Variants in HECTD4 observed in about 807,000 individuals in gnomAD.
The protein encoded by HECTD4 is probable E3 ubiquitin-protein ligase HECTD4.
In HECTD4, 114 loss-of-function variants were observed where a neutral mutation model predicts 471.5. That is an observed-to-expected ratio of 0.24 (90% confidence interval 0.21 to 0.28). The LOEUF is 0.28. Ranked by LOEUF, HECTD4 falls within the 10% of genes least tolerant of loss-of-function variation. The pLI, the probability that HECTD4 is intolerant of heterozygous loss-of-function variation, is 1.00. For synonymous variants in HECTD4, 2,012 were observed against 2,256.0 expected, an observed-to-expected ratio of 0.89 and a Z score of 3.07; for missense variants, 3,866 against 5,651.5, an observed-to-expected ratio of 0.68 and a Z score of 10.13.
At chr12:112,249,971 C>T in intron 25 of HECTD4, 173 bp downstream of exon 25, 1 of 610,532 alleles carries the variant, frequency 1.6e-6, no homozygotes, top group South Asian at 2.0e-5. Context: ...TTTGAGAGCC[C>T]CTAGTCTGGA....
In HECTD4 at chr12:112,161,644, AG is replaced by A. The variant is rs2136991569; in HGVS notation, c.*742del. ...CCCTGCGGCTGGGATGCACCCAGCTAGGCTCTGTGAACTAAGGTCGGGATGA... is the reference window on the plus strand; with the variant it reads ...CCCTGCGGCTGGGATGCACCCAGCTAGCTCTGTGAACTAAGGTCGGGATGA... On this transcript the variant is annotated 3_prime_UTR_variant, in exon 76 of 76. Transcript: ENST00000682272. 1 of 152,262 alleles carries A rather than the reference AG, an allele frequency of 6.6e-6. No individual in the cohort carries two copies. The highest frequency in any genetic ancestry group is 1.9e-4 in the East Asian group (1 of 5,170). 9.4% of individuals were successfully genotyped at this position (152,262 alleles called of 1,614,324 possible).
In HECTD4 at chr12:112,193,594, C is replaced by T. The variant is rs771001585; in HGVS notation, c.8830G>A (p.Asp2944Asn). Residue 2944 changes from aspartate (D) to asparagine (N), a missense_variant, in exon 57 of 76, where the codon GAC (aspartate) becomes AAC (asparagine). Physicochemically the swap from Asp to Asn is conservative, Grantham distance 23 (BLOSUM62 1). Around this residue, in one of 16 missense-constraint regions of HECTD4, gnomAD observed 364 missense variants for 413.2 expected, o/e 0.88. Transcript: ENST00000682272. This position sits in a 1 kb window ranked among gnomAD's most constrained non-coding sequence, Gnocchi z 5.2. ...CIHSQNCSAT[D>N]LFYQGNSQTV... ...TGGGAGTTGCCCTGGTAAAAGAGGT[C>T]CGTGGCGGAGCAGTTCTGGGAATGG... is the stretch of plus-strand genomic sequence containing the variant. 4 of 1,612,908 alleles carry T rather than the reference C, an allele frequency of 2.5e-6. No individual in the cohort carries two copies. Among genetic ancestry groups the T allele is most frequent in the East Asian group, 2.2e-5 (1 of 44,870 alleles).
intron 70 of HECTD4, 27 bp downstream of exon 70, chr12:112,169,476 C>T (rs770121672): frequency 1.6e-5 from 26 of 1,589,022 alleles, no homozygotes; most frequent in Middle Eastern, 1.7e-4. Flanking sequence ...GCTCCTCCAG[C>T]GTGGAGCCTG....
At chr12:112,366,913 G>GA (rs1322598643) in intron 1 of HECTD4, among the ~76,000 whole-genome samples, 2 of 148,732 alleles carry the variant, frequency 1.3e-5, no homozygotes, top group Non-Finnish European at 3.0e-5. Flanking sequence ...AAAAGAAAAA[G>GA]AAAAAATTGC....
intron 52 of HECTD4, 134 bp downstream of exon 52, chr12:112,207,732 GTTCACTAA>G (rs2032634911): frequency 1.1e-6 from 1 of 914,236 alleles, no homozygotes; most frequent in East Asian, 2.7e-5. Context: ...AAAGATCAGA[GTTCACTAA>G]AGGTAAGGTC....
intron 32 of HECTD4, 98 bp from the exon 33 acceptor site, chr12:112,240,125 A>G: frequency 8.4e-7 from 1 of 1,196,426 alleles, no homozygotes; most frequent in Non-Finnish European, 1.2e-6. Context: ...TATCTGGATG[A>G]ATCCAGAACT....
intron 49 of HECTD4, among the ~76,000 whole-genome samples, chr12:112,211,418 A>G (rs2032756333): frequency 6.6e-6 from 1 of 152,134 alleles, no homozygotes; most frequent in African/African-American, 2.4e-5. Flanking sequence ...TTTAAAATGC[A>G]TGACACGAGA....
chr12:112,184,451 G>A lies in HECTD4; in HGVS notation c.10515C>T (p.Ser3505=), dbSNP rs544916434. 3 of 1,605,558 alleles carry A rather than the reference G, an allele frequency of 1.9e-6. No individual in the cohort carries two copies. The highest frequency in any genetic ancestry group is 1.3e-5 in the African/African-American group (1 of 74,858). ...CSSQGISQTV[S]DLSVDPLPAG... Reference sequence around the variant, plus strand: ...CAGGCAGCGGATCCACAGAGAGGTCGCTGACGGTTTGGGAGATGCCCTGCG... The same window carrying A: ...CAGGCAGCGGATCCACAGAGAGGTCACTGACGGTTTGGGAGATGCCCTGCG... Residue 3505 remains serine, a synonymous_variant, in exon 61 of 76, where the codon AGC becomes AGT. Coordinates refer to ENST00000682272, the MANE Select transcript of HECTD4 (RefSeq NM_001388303.1). The surrounding 1 kb of genome is among the most constrained non-coding windows in gnomAD (Gnocchi z 9.1).
intron 44 of HECTD4, among the ~76,000 whole-genome samples, chr12:112,220,493 T>TAA (rs1334503604): frequency 6.6e-6 from 1 of 152,044 alleles, no homozygotes; most frequent in Non-Finnish European, 1.5e-5. Flanking sequence ...AATGAAAACA[T>TAA]CATTAAGTTA....
chr12:112,248,275 A>C, intron 26 of HECTD4, 45 bp downstream of exon 26: 1 of 1,538,682 alleles, frequency 6.5e-7, no homozygotes, highest in Non-Finnish European at 8.8e-7. Context: ...AATTTCTTTA[A>C]ATTTCCATAA....
intron 9 of HECTD4, among the ~76,000 whole-genome samples, chr12:112,276,411 C>T (rs1428937702): frequency 1.3e-5 from 2 of 152,052 alleles, no homozygotes; most frequent in Non-Finnish European, 2.9e-5. Context: ...AAAGAAAAGA[C>T]TGATGGTCAA....
chr12:112,378,490 C>T (rs2036826000), intron 1 of HECTD4, among the ~76,000 whole-genome samples: 1 of 151,916 alleles, frequency 6.6e-6, no homozygotes, highest in South Asian at 2.1e-4. Context: ...TCCCAAATTG[C>T]TGGGATTACA....
intron 1 of HECTD4, among the ~76,000 whole-genome samples, chr12:112,330,676 A>G (rs2035829773): frequency 6.6e-6 from 1 of 152,256 alleles, no homozygotes; most frequent in Admixed American, 6.5e-5. Flanking sequence ...CCCAGAGCTG[A>G]GCACAGTGTC....
At chr12:112,218,293 T>C (rs566702130) in intron 45 of HECTD4, among the ~76,000 whole-genome samples, 4 of 152,352 alleles carry the variant, frequency 2.6e-5, no homozygotes, top group African/African-American at 9.6e-5. Context: ...TGGTTTTTAA[T>C]ATATTCACAG....
rs79375846 is a variant in HECTD4 at position 112,228,838 on chromosome 12, C to T, written c.6520-27G>A. The T allele has an allele frequency of 6.6e-4, 1,068 of 1,606,634 alleles. 3 individuals carry two copies. The African/African-American group carries it at 7.2e-3, about 11-fold the overall frequency. On this transcript the variant is annotated intron_variant, in intron 41 of 75. Coordinates refer to ENST00000682272, the MANE Select transcript of HECTD4 (RefSeq NM_001388303.1). This position sits in a 1 kb window ranked among gnomAD's most constrained non-coding sequence, Gnocchi z 4.9. ...TGGAGACAGACATAGATTAGCACTA[C>T]CAACCAGCTCTGACGTGTGGGCAGC...
intron 44 of HECTD4, among the ~76,000 whole-genome samples, chr12:112,223,470 A>T: frequency 6.6e-6 from 1 of 152,028 alleles, no homozygotes. Context: ...CCCAGGCTGG[A>T]GTGCAGTGGC....
intron 44 of HECTD4, among the ~76,000 whole-genome samples, chr12:112,225,935 TTAA>T (rs1394558253): frequency 3.9e-5 from 6 of 152,170 alleles, no homozygotes; most frequent in African/African-American, 9.7e-5. Flanking sequence ...GCTTAGATAC[TTAA>T]TAATATTTAA....
At chr12:112,215,338 T>TCATC (rs1243013844) in intron 48 of HECTD4, among the ~76,000 whole-genome samples, 1 of 152,346 alleles carries the variant, frequency 6.6e-6, no homozygotes, top group African/African-American at 2.4e-5. Flanking sequence ...GTTTACTATG[T>TCATC]ATCTCAATTT....
chr12:112,255,853 AT>A (rs1357436937), intron 21 of HECTD4, among the ~76,000 whole-genome samples: 1 of 152,188 alleles, frequency 6.6e-6, no homozygotes, highest in Non-Finnish European at 1.5e-5. Flanking sequence ...AAAAGAACAA[AT>A]GTTTAAATAA....
Sources: gnomAD v4.1 joint callset for allele counts (sites outside exome capture counted in the v4.1 genomes callset) on GRCh38, gnomAD v4.1.1 for gene constraint, gnomAD v4.1.1 regional missense constraint, Gnocchi (gnomAD v3.1) non-coding constraint, MANE v1.5 for transcripts, NCBI Gene and HGNC (gene_info 2026-07-23, HGNC 2026-07-21) for gene names.